Variants in UTP4 observed in about 807,000 individuals in gnomAD.
UTP4 encodes the protein UTP4 small subunit processome component.
In UTP4, 45 loss-of-function variants were observed where a neutral mutation model predicts 82.4. That is an observed-to-expected ratio of 0.55 (90% CI 0.43 to 0.70). UTP4 has a LOEUF of 0.70. UTP4 is among the 30% of genes least tolerant of loss of function. The pLI is 0.00. For synonymous variants in UTP4, 348 were observed against 300.3 expected, an observed-to-expected ratio of 1.16 and a Z score of -1.64; for missense variants, 819 against 858.3, an observed-to-expected ratio of 0.95 and a Z score of 0.57.
At chr16:69,135,229 C>T (rs1009183617) in intron 2 of UTP4, among the ~76,000 whole-genome samples, 21 of 152,166 alleles carry the variant, frequency 1.4e-4, no homozygotes, top group Admixed American at 2.0e-4. Flanking sequence ...CTTAATGTTT[C>T]TTGAATGGAT....
intron 12 of UTP4, among the ~76,000 whole-genome samples, chr16:69,159,359 G>A (rs371546477): frequency 2.0e-5 from 3 of 152,070 alleles, no homozygotes; most frequent in African/African-American, 4.8e-5. Context: ...GGGATTACAG[G>A]TGTGAGCTAC....
At chr16:69,136,610 T>C in intron 2 of UTP4, 86 bp from the exon 3 acceptor site, 1 of 1,306,908 alleles carries the variant, frequency 7.7e-7, no homozygotes, top group East Asian at 2.3e-5. Context: ...TATGGGGAAG[T>C]TGTTTTTACC....
chr16:69,150,460 A>G (rs1423283265), intron 6 of UTP4, 77 bp from the exon 7 acceptor site: 3 of 1,525,536 alleles, frequency 2.0e-6, no homozygotes, highest in Non-Finnish European at 2.7e-6. Context: ...AGCTGCTGAG[A>G]CAGAAAGCCT....
Position 69,150,710 on chromosome 16 carries a change from T to G in UTP4, c.910+2T>G. The G allele has an allele frequency of 6.2e-7, 1 of 1,614,178 alleles. No individual in the cohort carries two copies. Among genetic ancestry groups the G allele is most frequent in the Non-Finnish European group, 8.5e-7 (1 of 1,180,038 alleles). Reference sequence around the variant, plus strand: ...GCCCAACAGCGCTGATATCTGGAGGTGGGTTCCCCCTCTGGTGAGGCTGCT... The same window carrying G: ...GCCCAACAGCGCTGATATCTGGAGGGGGGTTCCCCCTCTGGTGAGGCTGCT... On this transcript the variant is annotated splice_donor_variant, in intron 7 of 16. Transcript: ENST00000314423. LOFTEE classifies it high-confidence loss of function.
chr16:69,143,992 A>C (rs1963038085), intron 6 of UTP4, among the ~76,000 whole-genome samples: 1 of 147,192 alleles, frequency 6.8e-6, no homozygotes. Context: ...GGTTCAAGCG[A>C]TTCTTCTGCC....
At chr16:69,165,571 A>G in intron 15 of UTP4, 45 bp downstream of exon 15, 1 of 1,515,096 alleles carries the variant, frequency 6.6e-7, no homozygotes, top group African/African-American at 1.4e-5. Context: ...CTGAATCTTA[A>G]AGTTCTAAAA....
chr16:69,141,014 C>G (rs904785047), intron 5 of UTP4, among the ~76,000 whole-genome samples: 1 of 152,164 alleles, frequency 6.6e-6, no homozygotes, highest in African/African-American at 2.4e-5. Context: ...AATTTTCTTT[C>G]TTTTCCGGTA....
chr16:69,159,209 T>C (rs913503756), intron 12 of UTP4, among the ~76,000 whole-genome samples: 1 of 152,120 alleles, frequency 6.6e-6, no homozygotes, highest in South Asian at 2.1e-4. Flanking sequence ...CCCTAGTAGC[T>C]GGGATTACAG....
At chr16:69,143,496 G>T in intron 6 of UTP4, 107 bp downstream of exon 6, 1 of 976,590 alleles carries the variant, frequency 1.0e-6, no homozygotes, top group South Asian at 1.3e-5. Context: ...TCCTGATGTT[G>T]TACTGGAGGA....
chr16:69,141,347 A>G (rs748955459), intron 5 of UTP4, among the ~76,000 whole-genome samples: 2 of 152,244 alleles, frequency 1.3e-5, no homozygotes, highest in Non-Finnish European at 2.9e-5. Context: ...GTAAGAGTGC[A>G]TGAGAAAGAA....
chr16:69,155,009 C>G (rs966374020), intron 10 of UTP4, among the ~76,000 whole-genome samples: 1 of 151,440 alleles, frequency 6.6e-6, no homozygotes, highest in Non-Finnish European at 1.5e-5. Context: ...CGTGAGCCAC[C>G]GCGCCCAGCC....
chr16:69,145,015 G>A (rs752607895), intron 6 of UTP4, among the ~76,000 whole-genome samples: 21 of 151,842 alleles, frequency 1.4e-4, no homozygotes, highest in African/African-American at 2.7e-4. Flanking sequence ...GGTGGTGGGC[G>A]CCTATAATCC....
At chr16:69,146,335 C>T (rs1353353750) in intron 6 of UTP4, among the ~76,000 whole-genome samples, 2 of 152,180 alleles carry the variant, frequency 1.3e-5, no homozygotes, top group African/African-American at 4.8e-5. Context: ...CTTCTCTCAG[C>T]CTCTGGTCAC....
chr16:69,140,080 A>T (rs1325758748), intron 5 of UTP4, among the ~76,000 whole-genome samples, 166 bp downstream of exon 5: 1 of 152,172 alleles, frequency 6.6e-6, no homozygotes, highest in Non-Finnish European at 1.5e-5. Flanking sequence ...TTGGATTACT[A>T]CCACTGCTTT....
At chr16:69,154,235 A>G (rs969183508) in intron 9 of UTP4, among the ~76,000 whole-genome samples, 158 bp from the exon 10 acceptor site, 4 of 152,210 alleles carry the variant, frequency 2.6e-5, no homozygotes, top group African/African-American at 9.6e-5. Context: ...TTCTCTTCAT[A>G]TACCCCTCAA....
At position 69,133,306 on chromosome 16, in the gene UTP4, T is replaced by G. The variant is rs149672185; in HGVS notation, c.-2-152T>G. Among the ~76,000 whole-genome samples, 1,000 of 152,214 alleles carry G rather than the reference T, an allele frequency of 6.6e-3. 6 individuals carry two copies. The highest frequency in any genetic ancestry group is 0.011 in the Non-Finnish European group (749 of 68,012). On this transcript the variant is annotated intron_variant, in intron 1 of 16. Coordinates refer to ENST00000314423, the MANE Select transcript of UTP4 (RefSeq NM_032830.3). ...GCTTTTGAAGATTGAGTAATTCTTGTGGGGGGCATTGTTAGCAGCCATTTG... is the reference window on the plus strand; with the variant it reads ...GCTTTTGAAGATTGAGTAATTCTTGGGGGGGGCATTGTTAGCAGCCATTTG...
chr16:69,160,473 G>A lies in UTP4; in HGVS notation c.1551+11G>A. ...GTAAAACAGCTAAAGGTGAGCATAG[G>A]GTTTCATGGCAGCAGTTTGAATCAT... On this transcript the variant is annotated intron_variant, in intron 13 of 16. Transcript: ENST00000314423. The A allele has an allele frequency of 6.2e-7, 1 of 1,600,130 alleles. No homozygotes were observed. The highest frequency in any genetic ancestry group is 8.6e-7 in the Non-Finnish European group (1 of 1,167,310).
intron 8 of UTP4, among the ~76,000 whole-genome samples, chr16:69,151,938 G>T (rs1292062244): frequency 6.6e-6 from 1 of 151,308 alleles, no homozygotes; most frequent in Non-Finnish European, 1.5e-5. Flanking sequence ...CCCCACACCT[G>T]CTGCCCCATT....
At chr16:69,138,655 G>A (rs570960072) in intron 4 of UTP4, among the ~76,000 whole-genome samples, 1 of 152,284 alleles carries the variant, frequency 6.6e-6, no homozygotes, top group South Asian at 2.1e-4. Context: ...TTTAGAACAG[G>A]GGTTGGCAGA....
Sources: gnomAD v4.1 joint callset for allele counts (sites outside exome capture counted in the v4.1 genomes callset) on GRCh38, gnomAD v4.1.1 for gene constraint, MANE v1.5 for transcripts, NCBI Gene and HGNC (gene_info 2026-07-23, HGNC 2026-07-21) for gene names.